Variants in FAT2 observed in about 807,000 individuals in gnomAD.
FAT2 encodes the protein FAT atypical cadherin 2.
FAT2 carries 150 observed loss-of-function variants against 295.3 expected under a neutral mutation model. The observed-to-expected ratio is 0.51, with a 90% CI of 0.44 to 0.58. FAT2 has a LOEUF of 0.58. Ranked by LOEUF, FAT2 falls within the 20% of genes least tolerant of loss-of-function variation. The pLI is 0.00. For synonymous variants in FAT2, 2,026 were observed against 2,150.3 expected (o/e 0.94, Z 1.60); for missense variants, 4,868 against 5,442.7 (o/e 0.89, Z 3.32).
intron 13 of FAT2, among the ~76,000 whole-genome samples, chr5:151,533,392 CAACACACACACACACACA>C (rs1754870736): frequency 8.6e-6 from 1 of 116,500 alleles, no homozygotes; most frequent in East Asian, 2.5e-4. Flanking sequence ...TTGTTATCTC[CAACACACACACACACACA>C]CACACACACA....
At chr5:151,510,290 T>A in intron 21 of FAT2, 116 bp from the exon 22 acceptor site, 1 of 1,236,312 alleles carries the variant, frequency 8.1e-7, no homozygotes, top group Non-Finnish European at 1.1e-6. Flanking sequence ...TTTATTTGGT[T>A]GCTCCCCTCT....
At chr5:151,522,267 A>C in intron 18 of FAT2, 181 bp from the exon 19 acceptor site, 1 of 558,138 alleles carries the variant, frequency 1.8e-6, no homozygotes, top group Non-Finnish European at 3.2e-6. Flanking sequence ...ACAGAAAAGA[A>C]AGATTTTCTG....
At chr5:151,523,779 T>C (rs1753725244) in intron 18 of FAT2, among the ~76,000 whole-genome samples, 1 of 152,106 alleles carries the variant, frequency 6.6e-6, no homozygotes, top group Non-Finnish European at 1.5e-5. Flanking sequence ...ACTGGACACC[T>C]CTGCTTGGAT....
rs761996363 is a variant in FAT2 at position 151,565,744 on chromosome 5, A to G, written c.3188T>C (p.Leu1063Ser). The change falls in exon 2 of 24, where the codon TTG (leucine) becomes TCG (serine). Residue 1063 changes from leucine to serine, a missense_variant. Leu to Ser is a moderately radical substitution (Grantham distance 145). This residue lies in a region of FAT2 where 3,297 missense variants were observed against 3,669.4 expected (regional missense o/e 0.90). Transcript: ENST00000261800. The stretch of plus-strand genomic sequence containing the variant: ...CAGGAAGTACTGGAGCTCCCCATCC[A>G]AGCCACTGTCATCGTCCTGGGCAGC... Reference protein sequence around the residue: ...VVAAQDDDSGLDGELQYFLRA... With the variant: ...VVAAQDDDSGSDGELQYFLRA... 30 of 1,600,140 alleles carry G rather than the reference A, an allele frequency of 1.9e-5. No individual in the cohort carries two copies. In the Admixed American group the frequency reaches 5.1e-4, roughly 27 times the overall value.
intron 20 of FAT2, among the ~76,000 whole-genome samples, chr5:151,514,897 T>TATC (rs1007025702): frequency 6.6e-6 from 1 of 152,260 alleles, no homozygotes; most frequent in African/African-American, 2.4e-5. Context: ...TTCACCACTA[T>TATC]ATCATTCCAC....
In FAT2 at chr5:151,563,582, G is replaced by T. The variant is rs752927057; in HGVS notation, c.3317C>A (p.Thr1106Lys). 2 of 1,614,004 alleles carry T rather than the reference G, an allele frequency of 1.2e-6. No individual in the cohort carries two copies. The highest frequency in any genetic ancestry group is 8.5e-7 in the Non-Finnish European group (1 of 1,180,016). Residue 1106 changes from threonine (T) to lysine (K), a missense_variant, in exon 3 of 24, where the codon ACG becomes AAG. This residue lies in a region of FAT2 where 3,297 missense variants were observed against 3,669.4 expected (regional missense o/e 0.90). Transcript: ENST00000261800. ...AGAACCCCTGTCCACTGCTAATACC[G>T]TCAACCAGTAGTAAGATGCAAATTC... ...DREFASYYWL[T>K]VLAVDRGSVP... is the part of the protein sequence containing the mutation.
At chr5:151,575,939 T>G (rs180886433) in intron 1 of FAT2, among the ~76,000 whole-genome samples, 1 of 152,316 alleles carries the variant, frequency 6.6e-6, no homozygotes, top group East Asian at 1.9e-4. Context: ...TTATTTTAAT[T>G]CATTTAAATT....
rs1354757137 is a variant in FAT2 at position 151,528,101 on chromosome 5, A to C, written c.10059T>G (p.Asn3353Lys). The C allele has an allele frequency of 6.2e-7, 1 of 1,613,924 alleles. No homozygotes were observed. The highest frequency in any genetic ancestry group is 8.5e-7 in the Non-Finnish European group (1 of 1,179,988). The change falls in exon 16 of 24, where the codon AAT (asparagine) becomes AAG (lysine). Residue 3353 changes from asparagine (N) to lysine (K), a missense_variant. Physicochemically the swap from Asn to Lys is moderately conservative, Grantham distance 94. Coordinates refer to ENST00000261800, the MANE Select transcript of FAT2 (RefSeq NM_001447.3). ...VSATDEDGPL[N>K]SDITYSLIGG... ...CTATGAGGCTATAGGTAATGTCACT[A>C]TTTAGGGGTCCATCTTCATCAGTCG...
At chr5:151,559,171 G>A (rs1256175893) in intron 3 of FAT2, among the ~76,000 whole-genome samples, 1 of 152,232 alleles carries the variant, frequency 6.6e-6, no homozygotes, top group Non-Finnish European at 1.5e-5. Context: ...TCATGGCAAT[G>A]GGAGTGTGGT....
chr5:151,579,269 A>C (rs1307166363), intron 1 of FAT2, among the ~76,000 whole-genome samples: 2 of 152,186 alleles, frequency 1.3e-5, no homozygotes, highest in Admixed American at 6.5e-5. Flanking sequence ...TTTTGTCATC[A>C]CAAAAAAATA....
intron 1 of FAT2, among the ~76,000 whole-genome samples, chr5:151,580,572 AG>A (rs1758910615): frequency 6.6e-6 from 1 of 152,164 alleles, no homozygotes; most frequent in African/African-American, 2.4e-5. Context: ...CCCTTGTGGG[AG>A]GGTCCCTTAA....
At position 151,568,304 on chromosome 5, in the gene FAT2, T is replaced by C; in HGVS notation, c.628A>G (p.Asn210Asp). The C allele has an allele frequency of 6.2e-7, 1 of 1,614,216 alleles. No homozygotes were observed. Among genetic ancestry groups the C allele is most frequent in the South Asian group, 1.1e-5 (1 of 91,086 alleles). ...SGVVTVAGKL[N>D]VTWRGKHELQ... ...TCATGCTTTCCTCGCCAGGTGACGT[T>C]AAGCTTCCCAGCCACAGTGACCACA... is the stretch of plus-strand genomic sequence containing the variant. The change falls in exon 2 of 24, where the codon AAC becomes GAC. Residue 210 changes from asparagine (N) to aspartate (D), a missense_variant. Coordinates refer to ENST00000261800, the MANE Select transcript of FAT2 (RefSeq NM_001447.3).
rs1411688719 is a variant in FAT2, at chr5:151,545,807, A to G, written c.5320T>C (p.Tyr1774His). The G allele has an allele frequency of 2.5e-6, 4 of 1,614,106 alleles. No individual in the cohort carries two copies. The highest frequency in any genetic ancestry group is 2.2e-5 in the East Asian group (1 of 44,896). The change falls in exon 10 of 24, where the codon TAT becomes CAT. Residue 1774 changes from tyrosine (Y) to histidine (H), a missense_variant. Coordinates refer to ENST00000261800, the MANE Select transcript of FAT2 (RefSeq NM_001447.3). Reference sequence around the variant, plus strand: ...TTGTTTTTATCCATGATCATGCTATACAGTGGAGCTGCTTCACTAATTTGG... The same window carrying G: ...TTGTTTTTATCCATGATCATGCTATGCAGTGGAGCTGCTTCACTAATTTGG... ...VGQISEAAPL[Y>H]SMIMDKNNNP...
chr5:151,568,496 G>A lies in FAT2; in HGVS notation c.436C>T (p.Pro146Ser), dbSNP rs774592284. ...VHILDQNDLK[P>S]LFSPPSYRVT... is the part of the protein sequence containing the mutation. ...CTGTACGAAGGTGGAGAGAAGAGAGGCTTCAGGTCATTCTGGTCCAGGATG... is the reference window on the plus strand; with the variant it reads ...CTGTACGAAGGTGGAGAGAAGAGAGACTTCAGGTCATTCTGGTCCAGGATG... The change falls in exon 2 of 24, where the codon CCT becomes TCT. Residue 146 changes from proline to serine, a missense_variant. By Grantham distance (74) the Pro-to-Ser change is moderately conservative. This residue lies in a region of FAT2 where 3,297 missense variants were observed against 3,669.4 expected (regional missense o/e 0.90). Coordinates refer to ENST00000261800, the MANE Select transcript of FAT2 (RefSeq NM_001447.3). 36 of 1,614,008 alleles carry A rather than the reference G, an allele frequency of 2.2e-5. No homozygotes were observed. The highest frequency in any genetic ancestry group is 3.0e-5 in the Non-Finnish European group (35 of 1,180,038).
Position 151,505,502 on chromosome 5 carries a change from C to T in FAT2, c.*63G>A, listed in dbSNP as rs1760767260. ...CACACTCAACTCACCCCCTACGAGA[C>T]AGGAAGAAATAAGCCAAGTCCAGTC... On this transcript the variant is annotated 3_prime_UTR_variant, in exon 24 of 24. Transcript: ENST00000261800. The T allele has an allele frequency of 1.9e-6, 3 of 1,597,726 alleles. No homozygotes were observed. Among genetic ancestry groups the T allele is most frequent in the South Asian group, 2.2e-5 (2 of 89,526 alleles).
chr5:151,544,003 T>C lies in FAT2; in HGVS notation c.7124A>G (p.Asn2375Ser), dbSNP rs768100968. ...TTGAGGTTGTCTGAACTCTGGGGGGTTGTCATTGATATCAGACACATTGAC... is the reference window on the plus strand; with the variant it reads ...TTGAGGTTGTCTGAACTCTGGGGGGCTGTCATTGATATCAGACACATTGAC... The part of the protein sequence containing the change: ...VVVNVSDIND[N>S]PPEFRQPQYE... The change falls in exon 10 of 24, where the codon AAC becomes AGC. Residue 2375 changes from asparagine (N) to serine (S), a missense_variant. Asn to Ser is a conservative substitution (Grantham distance 46). Around this residue, in one of 5 missense-constraint regions of FAT2, gnomAD observed 3,297 missense variants for 3,669.4 expected, o/e 0.90. Coordinates refer to ENST00000261800, the MANE Select transcript of FAT2 (RefSeq NM_001447.3). 1 of 1,613,792 alleles carries C rather than the reference T, an allele frequency of 6.2e-7. No individual in the cohort carries two copies. The highest frequency in any genetic ancestry group is 2.2e-5 in the East Asian group (1 of 44,876).
At position 151,531,833 on chromosome 5, in the gene FAT2, C is replaced by G. The variant is rs2127591686; in HGVS notation, c.9565G>C (p.Ala3189Pro). 6.2e-7 allele frequency: 1 copy of G among 1,613,952 alleles called. No homozygotes were observed. Among genetic ancestry groups the G allele is most frequent in the Non-Finnish European group, 8.5e-7 (1 of 1,180,024 alleles). The change falls in exon 14 of 24, where the codon GCC becomes CCC. Residue 3189 changes from alanine to proline, a missense_variant. Around this residue, in one of 5 missense-constraint regions of FAT2, gnomAD observed 1,046 missense variants for 1,210.1 expected, o/e 0.86. Transcript: ENST00000261800. This position sits in a 1 kb window ranked among gnomAD's most constrained non-coding sequence, Gnocchi z 5.7. ...PQAPLELTVR[A>P]SDLGTPIPLS... ...GGTATTGGGGTGCCCAGGTCAGAGG[C>G]ACGGACCGTGAGCTCCAGTGGTGCC...
At chr5:151,582,159 TTTGGGAGCA>T (rs1389360563) in intron 1 of FAT2, among the ~76,000 whole-genome samples, 2 of 152,182 alleles carry the variant, frequency 1.3e-5, no homozygotes, top group Non-Finnish European at 2.9e-5. Context: ...TCAGAGATGA[TTTGGGAGCA>T]CCCTGAGTAA....
rs757208092 is a variant in FAT2 at position 151,543,884 on chromosome 5, C to G, written c.7243G>C (p.Glu2415Gln). ...TGATTGCCAGAAAGAATCAGGTACT[C>G]CAGGCGGGAGGTGTCTCTGCTGTCA... ...DPDSRDTSRL[E>Q]YLILSGNQDR... Residue 2415 changes from glutamate (E) to glutamine (Q), a missense_variant, in exon 10 of 24, where the codon GAG (glutamate) becomes CAG (glutamine). By Grantham distance (29) the Glu-to-Gln change is conservative (BLOSUM62 2). Coordinates refer to ENST00000261800, the MANE Select transcript of FAT2 (RefSeq NM_001447.3). 160 of 1,614,032 alleles carry G rather than the reference C, an allele frequency of 9.9e-5. No individual in the cohort carries two copies. Among genetic ancestry groups the G allele is most frequent in the Non-Finnish European group, 1.3e-4 (158 of 1,180,036 alleles).
Sources: gnomAD v4.1 joint callset for allele counts (sites outside exome capture counted in the v4.1 genomes callset) on GRCh38, gnomAD v4.1.1 for gene constraint, gnomAD v4.1.1 regional missense constraint, Gnocchi (gnomAD v3.1) non-coding constraint, MANE v1.5 for transcripts, NCBI Gene and HGNC (gene_info 2026-07-23, HGNC 2026-07-21) for gene names.